GPATCH2: variants seen among roughly 807,000 people sequenced by gnomAD.
The protein encoded by GPATCH2 is G patch domain-containing protein 2.
Under a neutral mutation model 58.0 loss-of-function variants are expected in GPATCH2, and 51 were observed. The ratio of observed to expected loss-of-function variants is 0.88; its 90% CI spans 0.70 to 1.11. GPATCH2 has a LOEUF of 1.11. GPATCH2 is among the 50% of genes most tolerant of loss of function. The pLI, the probability that GPATCH2 is intolerant of heterozygous loss-of-function variation, is 0.00. For missense variants in GPATCH2, 625 were observed against 652.2 expected, an observed-to-expected ratio of 0.96 and a Z score of 0.45; for synonymous variants, 222 against 218.5, an observed-to-expected ratio of 1.02 and a Z score of -0.14.
At chr1:217,474,671 C>T (rs1238176853) in intron 8 of GPATCH2, among the ~76,000 whole-genome samples, 1 of 152,196 alleles carries the variant, frequency 6.6e-6, no homozygotes, top group Non-Finnish European at 1.5e-5. Context: ...ATGCTTTAGT[C>T]ACGCACTTCA....
intron 5 of GPATCH2, among the ~76,000 whole-genome samples, chr1:217,546,308 T>A (rs777165073): frequency 3.3e-5 from 5 of 152,078 alleles, no homozygotes; most frequent in East Asian, 1.9e-4. Flanking sequence ...GTTTAGGCAA[T>A]CCTGAGCAAA....
At chr1:217,503,464 G>GA (rs984130401) in intron 6 of GPATCH2, among the ~76,000 whole-genome samples, 12 of 151,594 alleles carry the variant, frequency 7.9e-5, no homozygotes, top group East Asian at 1.9e-4. Context: ...TTTTGGAAAG[G>GA]AAAAAAAACC....
At chr1:217,464,445 A>G (rs1389660747) in intron 8 of GPATCH2, among the ~76,000 whole-genome samples, 1 of 152,232 alleles carries the variant, frequency 6.6e-6, no homozygotes, top group Non-Finnish European at 1.5e-5. Flanking sequence ...AGATGAACAA[A>G]GATGCTAAAC....
chr1:217,515,282 G>A, intron 5 of GPATCH2, among the ~76,000 whole-genome samples: 1 of 152,026 alleles, frequency 6.6e-6, no homozygotes. Context: ...ATTTTTAGTA[G>A]AGACGGGGTT....
intron 1 of GPATCH2, among the ~76,000 whole-genome samples, chr1:217,624,290 G>A (rs906802623): frequency 1.3e-5 from 2 of 152,194 alleles, no homozygotes; most frequent in African/African-American, 4.8e-5. Context: ...GGCTGAGGCG[G>A]CAGGATCACT....
chr1:217,431,827 C>G (rs745335028), intron 9 of GPATCH2, among the ~76,000 whole-genome samples: 6 of 152,178 alleles, frequency 3.9e-5, no homozygotes, highest in Non-Finnish European at 8.8e-5. Context: ...CCTTGACATT[C>G]AACAGAACCA....
chr1:217,581,212 TA>T (rs1262525274), intron 5 of GPATCH2, among the ~76,000 whole-genome samples: 17 of 152,198 alleles, frequency 1.1e-4, no homozygotes, highest in Non-Finnish European at 2.1e-4. Flanking sequence ...TCTTACCCTT[TA>T]TATGTTTTCA....
At chr1:217,608,928 C>T (rs1156649176) in intron 5 of GPATCH2, 14 of 983,858 alleles carry the variant, frequency 1.4e-5, no homozygotes, top group Non-Finnish European at 1.6e-5. Context: ...TCACACATTC[C>T]TGTTTAATGC....
At chr1:217,621,370 G>A (rs1173185538) in intron 1 of GPATCH2, among the ~76,000 whole-genome samples, 4 of 152,170 alleles carry the variant, frequency 2.6e-5, no homozygotes, top group Middle Eastern at 3.4e-3. Context: ...ATTTGCACCC[G>A]TCTTATGAAG....
intron 8 of GPATCH2, among the ~76,000 whole-genome samples, chr1:217,464,899 A>G (rs1660372863): frequency 6.6e-6 from 1 of 152,168 alleles, no homozygotes. Context: ...AGGTCCTTAG[A>G]GACCGTAAGA....
chr1:217,547,950 C>A (rs1269839832), intron 5 of GPATCH2, among the ~76,000 whole-genome samples: 1 of 152,114 alleles, frequency 6.6e-6, no homozygotes, highest in Non-Finnish European at 1.5e-5. Context: ...CTTAGTTCTC[C>A]TGTCTCTCTC....
At chr1:217,463,082 T>C (rs1660268484) in intron 8 of GPATCH2, among the ~76,000 whole-genome samples, 1 of 152,196 alleles carries the variant, frequency 6.6e-6, no homozygotes, top group Non-Finnish European at 1.5e-5. Flanking sequence ...TGGCATAATT[T>C]GGCATTTTTG....
intron 5 of GPATCH2, among the ~76,000 whole-genome samples, chr1:217,588,330 C>G (rs576657108): frequency 2.3e-3 from 353 of 152,252 alleles, no homozygotes; most frequent in African/African-American, 8.1e-3. Flanking sequence ...TGTGTCCAAC[C>G]ATGGTGCCTA....
intron 1 of GPATCH2, 134 bp from the exon 2 acceptor site, chr1:217,620,633 T>C (rs761286803): frequency 1.7e-6 from 1 of 601,008 alleles, no homozygotes; most frequent in Non-Finnish European, 2.9e-6. Context: ...AATTTTCCTA[T>C]CCAAGATATT....
intron 9 of GPATCH2, among the ~76,000 whole-genome samples, chr1:217,432,755 A>T (rs1178127089): frequency 1.3e-5 from 2 of 152,188 alleles, no homozygotes; most frequent in East Asian, 3.8e-4. Flanking sequence ...GAGAAAAAAA[A>T]AGAGAGATGA....
intron 9 of GPATCH2, among the ~76,000 whole-genome samples, chr1:217,448,170 C>T (rs559125286): frequency 6.6e-6 from 1 of 151,504 alleles, no homozygotes; most frequent in Admixed American, 6.6e-5. Flanking sequence ...ACCATGCTAC[C>T]CCACCCCCAT....
intron 9 of GPATCH2, among the ~76,000 whole-genome samples, chr1:217,443,559 A>G (rs971876060): frequency 1.3e-5 from 2 of 152,082 alleles, no homozygotes; most frequent in African/African-American, 2.4e-5. Flanking sequence ...ATGAAAATTC[A>G]TGTTTTCCTT....
intron 5 of GPATCH2, among the ~76,000 whole-genome samples, chr1:217,518,612 C>T (rs541788774): frequency 6.6e-6 from 1 of 152,090 alleles, no homozygotes; most frequent in Non-Finnish European, 1.5e-5. Context: ...ACAAGAGTCA[C>T]GTAAGATTAA....
intron 5 of GPATCH2, among the ~76,000 whole-genome samples, chr1:217,541,656 C>G (rs1664748192): frequency 6.6e-6 from 1 of 152,158 alleles, no homozygotes; most frequent in Admixed American, 6.5e-5. Flanking sequence ...CTTCTATATT[C>G]TGTTCAGCCA....
Sources: gnomAD v4.1 joint callset for allele counts (sites outside exome capture counted in the v4.1 genomes callset) on GRCh38, gnomAD v4.1.1 for gene constraint, MANE v1.5 for transcripts, NCBI Gene and HGNC (gene_info 2026-07-23, HGNC 2026-07-21) for gene names.